ASPSCR1: variants seen among roughly 807,000 people sequenced by gnomAD.
ASPSCR1 encodes the protein ASPSCR1 tether for SLC2A4, UBX domain containing.
ASPSCR1 carries 55 observed loss-of-function variants against 68.9 expected under a neutral mutation model. The ratio of observed to expected loss-of-function variants is 0.80; its 90% CI spans 0.64 to 1.00. The LOEUF is 1.00. ASPSCR1 is among the 50% of genes least tolerant of loss of function. ASPSCR1 has a pLI of 0.00. For synonymous variants in ASPSCR1, 352 were observed against 332.6 expected (o/e 1.06, Z -0.63); for missense variants, 765 against 762.2 (o/e 1.00, Z -0.04).
chr17:82,009,913 AC>A (rs201736615), intron 9 of ASPSCR1: 2,265 of 224,482 alleles, frequency 0.01, 44 homozygotes, highest in African/African-American at 0.052. Context: ...TTAGAATGAA[AC>A]CTTTTTTTTT....
At chr17:82,007,416 T>C (rs1169832255) in intron 7 of ASPSCR1, 6 of 152,288 alleles carry the variant, frequency 3.9e-5, no homozygotes. Flanking sequence ...CTGATGGTCC[T>C]GTCCCCTATG....
chr17:82,010,544 A>AC (rs2042900877), intron 9 of ASPSCR1, among the ~76,000 whole-genome samples: 1 of 150,924 alleles, frequency 6.6e-6, no homozygotes, highest in African/African-American at 2.4e-5. Flanking sequence ...AAAAAAAAAA[A>AC]AAAAAAAACC....
In ASPSCR1 at chr17:81,987,749, G is replaced by A. The variant is rs367640413; in HGVS notation, c.374+2142G>A. ...TGGCTTTGGAGCTGGCTTTGGTGGT[G>A]GCTGTGGGGGTGGGTTTGGGCGCTT... is the stretch of plus-strand genomic sequence containing the variant. On this transcript the variant is annotated intron_variant, in intron 4 of 15. Coordinates refer to ENST00000306739, the MANE Select transcript of ASPSCR1 (RefSeq NM_024083.4). The surrounding 1 kb of genome is among the most constrained non-coding windows in gnomAD (Gnocchi z 5.6). 1.9e-3 allele frequency among the ~76,000 whole-genome samples: 288 copies of A among 152,190 alleles called. 1 individual carries two copies. The highest frequency in any genetic ancestry group is 6.7e-3 in the African/African-American group (278 of 41,518).
chr17:82,002,151 G>A (rs2042556627), intron 7 of ASPSCR1, among the ~76,000 whole-genome samples: 1 of 149,960 alleles, frequency 6.7e-6, no homozygotes, highest in African/African-American at 2.5e-5. Flanking sequence ...ACTGCACCTG[G>A]CCTCTTTTCA....
chr17:81,983,634 C>G lies in ASPSCR1; in HGVS notation c.239C>G (p.Pro80Arg). The G allele has an allele frequency of 6.2e-7, 1 of 1,613,230 alleles. No homozygotes were observed. Among genetic ancestry groups the G allele is most frequent in the Non-Finnish European group, 8.5e-7 (1 of 1,179,854 alleles). The change falls in exon 3 of 16, where the codon CCC becomes CGC. Residue 80 changes from proline to arginine, a missense_variant. By Grantham distance (103) the Pro-to-Arg change is moderately radical. Coordinates refer to ENST00000306739, the MANE Select transcript of ASPSCR1 (RefSeq NM_024083.4). The surrounding 1 kb of genome is among the most constrained non-coding windows in gnomAD (Gnocchi z 4.4). The part of the protein sequence containing the change: ...LPNNAKLEMV[P>R]ASRSREGPEN... Reference sequence around the variant, plus strand: ...AACAATGCCAAGCTGGAGATGGTGCCCGCTTCCCGGAGCCGTGAGGGGCCT... The same window carrying G: ...AACAATGCCAAGCTGGAGATGGTGCGCGCTTCCCGGAGCCGTGAGGGGCCT...
chr17:81,983,709 G>T lies in ASPSCR1; in HGVS notation c.273+41G>T. The T allele has an allele frequency of 6.6e-7, 1 of 1,526,638 alleles. No individual in the cohort carries two copies. The highest frequency in any genetic ancestry group is 1.2e-5 in the South Asian group (1 of 86,368). The allele number at this position is 1,526,638 out of a possible 1,614,324, so 94.6% of individuals were successfully genotyped here. On this transcript the variant is annotated intron_variant, in intron 3 of 15. Coordinates refer to ENST00000306739, the MANE Select transcript of ASPSCR1 (RefSeq NM_024083.4). The surrounding 1 kb of genome is among the most constrained non-coding windows in gnomAD (Gnocchi z 4.4). The stretch of plus-strand genomic sequence containing the variant: ...GGGGAGGCTGACTGTGTGGGGCACA[G>T]GATCGTTCAGCTGGCCAGGGACGGG...
intron 11 of ASPSCR1, 34 bp downstream of exon 11, chr17:82,011,639 C>A (rs780936267): frequency 6.2e-7 from 1 of 1,600,252 alleles, no homozygotes; most frequent in Non-Finnish European, 8.5e-7. Context: ...CTCCTGCCTC[C>A]AGTGCTCGGG....
At chr17:81,985,398 G>A (rs2041963419) in intron 3 of ASPSCR1, 109 bp from the exon 4 acceptor site, 1 of 1,150,044 alleles carries the variant, frequency 8.7e-7, no homozygotes, top group Admixed American at 2.0e-5. Context: ...TCTCCCTGGA[G>A]GCCAGGGCGG....
At position 82,011,585 on chromosome 17, in the gene ASPSCR1, C is replaced by A; in HGVS notation, c.1280C>A (p.Pro427His). 1 of 1,591,658 alleles carries A rather than the reference C, an allele frequency of 6.3e-7. No individual in the cohort carries two copies. The highest frequency in any genetic ancestry group is 8.5e-7 in the Non-Finnish European group (1 of 1,172,930). The change falls in exon 11 of 16, where the codon CCC (proline) becomes CAC (histidine). Residue 427 changes from proline (P) to histidine (H), a missense_variant. Transcript: ENST00000306739. ...RDFVRSHLGNPELSFYLFITP... is the reference protein window; with the variant it reads ...RDFVRSHLGNHELSFYLFITP... ...TTCGTGAGGAGCCACCTGGGGAACC[C>A]CGAGCTGTCATTTTACCTGTGTACG...
At position 82,016,543 on chromosome 17, in the gene ASPSCR1, T is replaced by A; in HGVS notation, c.1405+16T>A. ...GAGCCGGCAGGTGAGTGTCAGTGGT[T>A]GGGGCCAGTGTCGGAGTCCAGCCAG... is the stretch of plus-strand genomic sequence containing the variant. On this transcript the variant is annotated intron_variant, in intron 13 of 15. Coordinates refer to ENST00000306739, the MANE Select transcript of ASPSCR1 (RefSeq NM_024083.4). 1 of 1,549,162 alleles carries A rather than the reference T, an allele frequency of 6.5e-7. No individual in the cohort carries two copies. The highest frequency in any genetic ancestry group is 8.7e-7 in the Non-Finnish European group (1 of 1,146,872).
chr17:81,994,278 C>T (rs892047992), intron 4 of ASPSCR1, among the ~76,000 whole-genome samples: 3 of 152,242 alleles, frequency 2.0e-5, no homozygotes, highest in Non-Finnish European at 2.9e-5. Flanking sequence ...GCCTCCCCGG[C>T]CACAGGCAAG....
intron 7 of ASPSCR1, among the ~76,000 whole-genome samples, chr17:82,002,537 G>A (rs898199103): frequency 6.6e-6 from 1 of 151,790 alleles, no homozygotes; most frequent in African/African-American, 2.4e-5. Flanking sequence ...TTACAGGTGT[G>A]AGCCTCTGTG....
At chr17:81,980,449 G>A (rs1376159134) in intron 2 of ASPSCR1, among the ~76,000 whole-genome samples, 1 of 152,236 alleles carries the variant, frequency 6.6e-6, no homozygotes, top group African/African-American at 2.4e-5. Flanking sequence ...TGGACCACGT[G>A]AGAATCCCAG....
At chr17:81,985,654 G>A (rs1188498079) in intron 4 of ASPSCR1, 47 bp downstream of exon 4, 1 of 1,574,010 alleles carries the variant, frequency 6.4e-7, no homozygotes, top group South Asian at 1.1e-5. Flanking sequence ...GTTTGCTGGG[G>A]AAGCTGCTGT....
At chr17:81,982,018 G>A (rs2041811376) in intron 2 of ASPSCR1, among the ~76,000 whole-genome samples, 1 of 151,788 alleles carries the variant, frequency 6.6e-6, no homozygotes, top group Admixed American at 6.6e-5. Flanking sequence ...GCCCAGGCTG[G>A]AGTGCAATGG....
intron 3 of ASPSCR1, among the ~76,000 whole-genome samples, chr17:81,984,159 G>A (rs1167038764): frequency 6.6e-6 from 1 of 152,052 alleles, no homozygotes; most frequent in African/African-American, 2.4e-5. Context: ...CCCCGCCCAC[G>A]TCATTCTTCA....
At chr17:82,014,977 C>G in intron 12 of ASPSCR1, 3 of 1,355,732 alleles carry the variant, frequency 2.2e-6, no homozygotes, top group Non-Finnish European at 2.0e-6. Context: ...TGGGACAGTG[C>G]TGGTGGGGAG....
At chr17:82,010,672 T>TG in intron 9 of ASPSCR1, 130 bp from the exon 10 acceptor site, 1 of 920,880 alleles carries the variant, frequency 1.1e-6, no homozygotes, top group Non-Finnish European at 1.7e-6. Context: ...AGGCCCTGAT[T>TG]GGGGGTGGCT....
At chr17:82,016,320 GT>G in intron 12 of ASPSCR1, 155 bp from the exon 13 acceptor site, 1 of 674,754 alleles carries the variant, frequency 1.5e-6, no homozygotes, top group Non-Finnish European at 2.5e-6. Context: ...TAGGGCTGGT[GT>G]CAGACAGGAA....
Sources: gnomAD v4.1 joint callset for allele counts (sites outside exome capture counted in the v4.1 genomes callset) on GRCh38, gnomAD v4.1.1 for gene constraint, Gnocchi (gnomAD v3.1) non-coding constraint, MANE v1.5 for transcripts, NCBI Gene and HGNC (gene_info 2026-07-23, HGNC 2026-07-21) for gene names.